The following STAC variants were observed in gnomAD, a reference collection of about 807,000 sequenced individuals.
The protein encoded by STAC is SH3 and cysteine-rich domain-containing protein.
A neutral mutation model predicts 48.8 loss-of-function variants in STAC; 43 were observed. The ratio of observed to expected loss-of-function variants is 0.88; its 90% CI spans 0.69 to 1.14. The LOEUF is 1.14. STAC is among the 50% of genes most tolerant of loss of function. The pLI, the probability that STAC is intolerant of heterozygous loss-of-function variation, is 0.00. For synonymous variants in STAC, 193 were observed against 179.5 expected (o/e 1.07, Z -0.60); for missense variants, 497 against 504.0 (o/e 0.99, Z 0.13).
chr3:36,428,648 C>T (rs964969012), intron 1 of STAC, among the ~76,000 whole-genome samples: 20 of 152,022 alleles, frequency 1.3e-4, no homozygotes, highest in African/African-American at 4.8e-4. Context: ...GTGAGAAGAC[C>T]ATGGGAAGGG....
At chr3:36,490,424 G>A (rs981738068) in intron 5 of STAC, among the ~76,000 whole-genome samples, 1 of 152,180 alleles carries the variant, frequency 6.6e-6, no homozygotes, top group Non-Finnish European at 1.5e-5. Flanking sequence ...ACTGGTCAGA[G>A]TAGAGAGATC....
At chr3:36,405,413 G>A (rs73057936) in intron 1 of STAC, among the ~76,000 whole-genome samples, 17 of 152,094 alleles carry the variant, frequency 1.1e-4, no homozygotes, top group East Asian at 3.8e-4. Flanking sequence ...AGGAGTTCCC[G>A]AAGACACACA....
In STAC at chr3:36,443,315, T is replaced by G. The variant is rs1321982723; in HGVS notation, c.112-49T>G. 1 of 1,607,428 alleles carries G rather than the reference T, an allele frequency of 6.2e-7. No homozygotes were observed. Among genetic ancestry groups the G allele is most frequent in the Non-Finnish European group, 8.5e-7 (1 of 1,176,966 alleles). On this transcript the variant is annotated intron_variant, in intron 1 of 10. Transcript: ENST00000273183. This position sits in a 1 kb window ranked among gnomAD's most constrained non-coding sequence, Gnocchi z 4.2. ...AGACCTTACCCCCACAGCCTAGGTC[T>G]GCTTGATCCATTGATCGTAAGAGAG...
chr3:36,464,618 T>A (rs1463488391), intron 2 of STAC, among the ~76,000 whole-genome samples: 5 of 152,090 alleles, frequency 3.3e-5, no homozygotes, highest in African/African-American at 1.2e-4. Flanking sequence ...GTCCCCGAAG[T>A]CCAATGTATC....
chr3:36,541,816 G>C (rs1699334563), intron 10 of STAC, among the ~76,000 whole-genome samples: 1 of 152,172 alleles, frequency 6.6e-6, no homozygotes, highest in African/African-American at 2.4e-5. Flanking sequence ...ATGGGATGCT[G>C]TGTATGTGAG....
In STAC at chr3:36,486,246, C is replaced by G. The variant is rs761812504; in HGVS notation, c.684C>G (p.Thr228=). The change falls in exon 5 of 11, where the codon ACC becomes ACG. Residue 228 remains threonine, a synonymous_variant. Coordinates refer to ENST00000273183, the MANE Select transcript of STAC (RefSeq NM_003149.3). ...SGSGSDSPHR[T]STSDLVEVPE... is the part of the protein sequence containing the mutation. ...GTGGCTCTGACTCACCTCACAGAAC[C>G]TCTGTAATTATCCTCTTCCTTCCTC... The G allele has an allele frequency of 1.2e-6, 2 of 1,613,110 alleles. No individual in the cohort carries two copies. The highest frequency in any genetic ancestry group is 1.3e-5 in the African/African-American group (1 of 75,028).
chr3:36,520,448 A>G (rs1204629619), intron 8 of STAC, among the ~76,000 whole-genome samples: 1 of 152,182 alleles, frequency 6.6e-6, no homozygotes, highest in African/African-American at 2.4e-5. Flanking sequence ...TGCTCTGTGC[A>G]CAGGTCTGCA....
At chr3:36,484,299 A>G (rs765412465) in intron 3 of STAC, among the ~76,000 whole-genome samples, 9 of 152,220 alleles carry the variant, frequency 5.9e-5, no homozygotes, top group Non-Finnish European at 1.2e-4. Context: ...GAATTCTAGA[A>G]GGGACTGGGC....
chr3:36,438,773 G>C (rs770233438), intron 1 of STAC, among the ~76,000 whole-genome samples: 7 of 152,112 alleles, frequency 4.6e-5, no homozygotes, highest in Middle Eastern at 3.2e-3. Context: ...CACATATGAC[G>C]AAGGGTTTGA....
At chr3:36,394,263 G>A (rs1699810404) in intron 1 of STAC, among the ~76,000 whole-genome samples, 1 of 152,154 alleles carries the variant, frequency 6.6e-6, no homozygotes, top group Non-Finnish European at 1.5e-5. Flanking sequence ...CAAGTACTTG[G>A]TAAGCACATG....
At chr3:36,532,905 T>A (rs567031485) in intron 10 of STAC, among the ~76,000 whole-genome samples, 1 of 152,140 alleles carries the variant, frequency 6.6e-6, no homozygotes, top group African/African-American at 2.4e-5. Flanking sequence ...ACACACTGTA[T>A]AAATAAAGTT....
chr3:36,445,543 G>C (rs911223723), intron 2 of STAC, among the ~76,000 whole-genome samples: 2 of 152,240 alleles, frequency 1.3e-5, no homozygotes, highest in Middle Eastern at 3.4e-3. Flanking sequence ...GTAGGGGCTG[G>C]TGTATGCTCT....
chr3:36,527,718 G>T (rs1698968447), intron 8 of STAC, among the ~76,000 whole-genome samples: 1 of 152,132 alleles, frequency 6.6e-6, no homozygotes, highest in Admixed American at 6.6e-5. Context: ...TTCCCAGTGT[G>T]AAAAATAACA....
intron 2 of STAC, among the ~76,000 whole-genome samples, chr3:36,482,450 C>T (rs1697674479): frequency 1.3e-5 from 2 of 152,176 alleles, no homozygotes; most frequent in Admixed American, 1.3e-4. Flanking sequence ...CATTATCATT[C>T]GCATCTTCTT....
At chr3:36,415,109 G>A (rs185058609) in intron 1 of STAC, among the ~76,000 whole-genome samples, 4 of 152,248 alleles carry the variant, frequency 2.6e-5, no homozygotes, top group East Asian at 1.9e-4. Flanking sequence ...TAGGCTACTC[G>A]GTGATCAGGG....
chr3:36,510,804 T>C (rs1218963218), intron 8 of STAC, among the ~76,000 whole-genome samples: 2 of 151,672 alleles, frequency 1.3e-5, no homozygotes, highest in Admixed American at 6.6e-5. Flanking sequence ...CTGGGGCCTG[T>C]TGGGGGTTGG....
intron 1 of STAC, among the ~76,000 whole-genome samples, chr3:36,400,325 T>A (rs961881089): frequency 6.6e-6 from 1 of 152,226 alleles, no homozygotes; most frequent in Non-Finnish European, 1.5e-5. Context: ...ACGTGTTATA[T>A]AACTATTCGA....
chr3:36,482,514 T>C (rs1002340396), intron 2 of STAC, among the ~76,000 whole-genome samples: 1 of 152,200 alleles, frequency 6.6e-6, no homozygotes, highest in African/African-American at 2.4e-5. Context: ...TCCCCTTCTT[T>C]AGAAGACTGT....
intron 8 of STAC, among the ~76,000 whole-genome samples, chr3:36,528,433 C>T (rs1559526462): frequency 6.7e-6 from 1 of 150,062 alleles, no homozygotes; most frequent in Non-Finnish European, 1.5e-5. Flanking sequence ...CATGCCACTG[C>T]ACTCCAGCCT....
Sources: allele counts gnomAD v4.1 joint callset (sites outside exome capture counted in the v4.1 genomes callset), GRCh38; gene constraint gnomAD v4.1.1; non-coding constraint Gnocchi (gnomAD v3.1); transcripts MANE v1.5; gene names NCBI Gene and HGNC (gene_info 2026-07-23, HGNC 2026-07-21).